Variants in RARB observed in about 807,000 individuals in gnomAD.
The protein encoded by RARB is retinoic acid receptor beta.
A neutral mutation model predicts 51.9 loss-of-function variants in RARB; 17 were observed. That is an observed-to-expected ratio of 0.33 (90% CI 0.22 to 0.49). The LOEUF is 0.49. Ranked by LOEUF, RARB falls within the 20% of genes least tolerant of loss-of-function variation. The pLI, the probability that RARB is intolerant of heterozygous loss-of-function variation, is 0.99. For missense variants in RARB, 369 were observed against 550.8 expected, an observed-to-expected ratio of 0.67 and a Z score of 3.30; for synonymous variants, 215 against 195.4, an observed-to-expected ratio of 1.10 and a Z score of -0.84.
At chr3:25,259,717 T>A (rs1702951726) in intron 5 of RARB, among the ~76,000 whole-genome samples, 1 of 152,208 alleles carries the variant, frequency 6.6e-6, no homozygotes, top group Non-Finnish European at 1.5e-5. Flanking sequence ...TTAGGCAAAT[T>A]TCTACATATA....
At chr3:24,864,722 A>AT (rs11321943) in intron 2 of RARB, among the ~76,000 whole-genome samples, 1 of 151,914 alleles carries the variant, frequency 6.6e-6, no homozygotes, top group Admixed American at 6.6e-5. Flanking sequence ...TTTTTTAAGT[A>AT]TTTTTTTTAT....
rs572413789 is a variant in RARB, at chr3:25,193,684, C to T, written c.178+19109C>T. 4.6e-5 allele frequency among the ~76,000 whole-genome samples: 7 copies of T among 151,934 alleles called. No homozygotes were observed. In the East Asian group the frequency reaches 5.8e-4, roughly 13 times the overall value. On this transcript the variant is annotated intron_variant, in intron 5 of 11. Transcript: ENST00000383772. ...TAGCAGCTGTTGTGATATTTTATAG[C>T]GACATATTTCAACAATTCTCATTCT...
chr3:24,964,116 C>T (rs1213304235), intron 2 of RARB, among the ~76,000 whole-genome samples: 1 of 152,038 alleles, frequency 6.6e-6, no homozygotes, highest in Non-Finnish European at 1.5e-5. Context: ...TACTGAACTA[C>T]AAAATGTTGA....
chr3:24,977,152 C>T (rs71300729), intron 2 of RARB, among the ~76,000 whole-genome samples: 4,173 of 152,056 alleles, frequency 0.027, 101 homozygotes, highest in East Asian at 0.087. Context: ...CATGCTGTTT[C>T]GGTTACTGTA....
chr3:25,012,606 C>A (rs542905247), intron 2 of RARB, among the ~76,000 whole-genome samples: 2 of 152,258 alleles, frequency 1.3e-5, no homozygotes, highest in South Asian at 4.1e-4. Flanking sequence ...TCTATCATTG[C>A]TTCTGTAGTT....
chr3:25,518,329 C>A (rs1698262668), intron 3 of RARB, among the ~76,000 whole-genome samples: 1 of 151,584 alleles, frequency 6.6e-6, no homozygotes, highest in Non-Finnish European at 1.5e-5. Context: ...CTCTCGGTGT[C>A]CACAAGAGGA....
At chr3:25,330,347 G>C (rs560915513) in intron 5 of RARB, among the ~76,000 whole-genome samples, 16 of 152,204 alleles carry the variant, frequency 1.1e-4, no homozygotes, top group Non-Finnish European at 2.4e-4. Flanking sequence ...AGAAGAGAGT[G>C]GGGGCCAATA....
chr3:25,238,260 C>T (rs1487163426), intron 5 of RARB, among the ~76,000 whole-genome samples: 2 of 151,942 alleles, frequency 1.3e-5, no homozygotes, highest in Admixed American at 6.6e-5. Flanking sequence ...GAATATTTGT[C>T]TTTCCATGCC....
At chr3:25,235,597 G>A (rs745452380) in intron 5 of RARB, among the ~76,000 whole-genome samples, 2 of 152,132 alleles carry the variant, frequency 1.3e-5, no homozygotes, top group Non-Finnish European at 1.5e-5. Flanking sequence ...TCAAATCACA[G>A]ACAAAACATT....
intron 4 of RARB, among the ~76,000 whole-genome samples, chr3:25,580,170 C>A (rs1375349404): frequency 2.0e-5 from 3 of 152,016 alleles, no homozygotes; most frequent in African/African-American, 7.2e-5. Context: ...GTCAGGAGAT[C>A]GAGACCATCC....
intron 2 of RARB, among the ~76,000 whole-genome samples, chr3:24,961,445 A>G (rs1263587651): frequency 6.6e-6 from 1 of 152,244 alleles, no homozygotes; most frequent in South Asian, 2.1e-4. Flanking sequence ...TTGATAAATC[A>G]CATTACAATT....
chr3:25,035,465 C>A (rs1021197631), intron 2 of RARB, among the ~76,000 whole-genome samples: 1 of 135,674 alleles, frequency 7.4e-6, no homozygotes, highest in Non-Finnish European at 1.5e-5. Flanking sequence ...GGTAGCTATT[C>A]CATCATGTGG....
At chr3:25,217,980 T>TA (rs1177001963) in intron 5 of RARB, among the ~76,000 whole-genome samples, 13 of 151,966 alleles carry the variant, frequency 8.6e-5, no homozygotes, top group East Asian at 1.9e-4. Context: ...CTCTCTTTTT[T>TA]TAAAAAAAAT....
intron 5 of RARB, among the ~76,000 whole-genome samples, chr3:25,197,684 A>T (rs1037719827): frequency 1.2e-4 from 18 of 151,996 alleles, no homozygotes; most frequent in African/African-American, 4.3e-4. Context: ...TACTTTCTTG[A>T]TTTCAATAGT....
chr3:25,255,327 G>A (rs1380115421), intron 5 of RARB, among the ~76,000 whole-genome samples: 1 of 152,124 alleles, frequency 6.6e-6, no homozygotes, highest in East Asian at 1.9e-4. Flanking sequence ...AGTGATCACA[G>A]TTTGTTCTTT....
intron 5 of RARB, among the ~76,000 whole-genome samples, chr3:25,351,121 A>G (rs1705556300): frequency 6.6e-6 from 1 of 152,054 alleles, no homozygotes; most frequent in Non-Finnish European, 1.5e-5. Context: ...GGATATCCTT[A>G]TCCTTGCTAA....
chr3:24,880,482 G>C (rs1017791967), intron 2 of RARB, among the ~76,000 whole-genome samples: 1 of 151,972 alleles, frequency 6.6e-6, no homozygotes, highest in Admixed American at 6.6e-5. Context: ...GTTATGGTGG[G>C]GTAGTTGAAG....
intron 3 of RARB, among the ~76,000 whole-genome samples, chr3:25,089,351 T>C (rs1274832660): frequency 6.6e-6 from 1 of 151,832 alleles, no homozygotes; most frequent in African/African-American, 2.4e-5. Flanking sequence ...TACATTGGAG[T>C]ATACAGAAAA....
intron 2 of RARB, among the ~76,000 whole-genome samples, chr3:24,903,397 T>C (rs558597821): frequency 1.3e-5 from 2 of 152,264 alleles, no homozygotes; most frequent in African/African-American, 4.8e-5. Flanking sequence ...TGATAAATAT[T>C]AAGTTTCCCC....
Sources: gnomAD v4.1 joint callset for allele counts (sites outside exome capture counted in the v4.1 genomes callset) on GRCh38, gnomAD v4.1.1 for gene constraint, MANE v1.5 for transcripts, NCBI Gene and HGNC (gene_info 2026-07-23, HGNC 2026-07-21) for gene names.